The following RNPEPL1 variants were observed in gnomAD, a reference collection of about 807,000 sequenced individuals.
RNPEPL1 encodes the protein arginyl aminopeptidase like 1, also known as aminopeptidase RNPEPL1.
A neutral mutation model predicts 69.0 loss-of-function variants in RNPEPL1; 46 were observed. The observed-to-expected ratio is 0.67, with a 90% CI of 0.53 to 0.85. RNPEPL1 has a LOEUF of 0.85. Among genes scored for constraint, RNPEPL1 ranks in the 40% least tolerant of loss-of-function variants. RNPEPL1 has a pLI of 0.00. For synonymous variants in RNPEPL1, 525 were observed against 454.1 expected (o/e 1.16, Z -1.98); for missense variants, 869 against 992.5 (o/e 0.88, Z 1.67).
chr2:240,568,933 C>G lies in RNPEPL1; in HGVS notation c.347C>G (p.Pro116Arg). Residue 116 changes from proline (P) to arginine (R), a missense_variant, in exon 1 of 11, where the codon CCG becomes CGG. Physicochemically the swap from Pro to Arg is moderately radical, Grantham distance 103. Transcript: ENST00000270357. This position sits in a 1 kb window ranked among gnomAD's most constrained non-coding sequence, Gnocchi z 6.2. The stretch of plus-strand genomic sequence containing the variant: ...GCCCCCGGGCCGGGGCCCGCGCCGC[C>G]GCCCCCGCTGCCCGCCTTCCCCGAG... ...FSAPGPGPAP[P>R]PPLPAFPEAP... The G allele has an allele frequency of 7.5e-7, 1 of 1,340,834 alleles. No individual in the cohort carries two copies. Among genetic ancestry groups the G allele is most frequent in the Non-Finnish European group, 9.5e-7 (1 of 1,050,006 alleles). The allele number at this position is 1,340,834 out of a possible 1,614,324, so 83.1% of individuals were successfully genotyped here. A position where few individuals can be genotyped will look rare whatever the true frequency, so the allele number is the denominator to read the frequency against.
chr2:240,575,168 C>T lies in RNPEPL1; in HGVS notation c.1401+26C>T, dbSNP rs148867325. 1.8e-3 allele frequency: 2,782 copies of T among 1,577,832 alleles called. 34 individuals are homozygous for T. The African/African-American group carries it at 0.03, about 17-fold the overall frequency. On this transcript the variant is annotated intron_variant, in intron 7 of 10. Transcript: ENST00000270357. ...GTGAGCAGCCCCCTGCCCGGGACGG[C>T]CCTGCTGCCATCTGCCCCCAGCCCC... is the stretch of plus-strand genomic sequence containing the variant.
rs2093042791 is a variant in RNPEPL1, at chr2:240,578,005, A to G, written c.*113A>G. 1.8e-6 allele frequency: 2 copies of G among 1,115,534 alleles called. No homozygotes were observed. Among genetic ancestry groups the G allele is most frequent in the Non-Finnish European group, 2.4e-6 (2 of 826,352 alleles). 69.1% of individuals were successfully genotyped at this position (1,115,534 alleles called of 1,614,324 possible). A position where few individuals can be genotyped will look rare whatever the true frequency, so the allele number is the denominator to read the frequency against. Reference sequence around the variant, plus strand: ...GGCCATGAGCTCTGCCCAGGCCCACAAGCCCCTCCCCTGGGCTCTCCCAGG... The same window carrying G: ...GGCCATGAGCTCTGCCCAGGCCCACGAGCCCCTCCCCTGGGCTCTCCCAGG... On this transcript the variant is annotated 3_prime_UTR_variant, in exon 11 of 11. Transcript: ENST00000270357.
At chr2:240,573,387 C>A in intron 3 of RNPEPL1, 126 bp downstream of exon 3, 1 of 1,203,434 alleles carries the variant, frequency 8.3e-7, no homozygotes, top group Admixed American at 2.9e-5. Context: ...TGCTCTGGGC[C>A]AGCCCTGCCC....
intron 4 of RNPEPL1, 59 bp downstream of exon 4, chr2:240,573,950 C>A: frequency 6.8e-7 from 1 of 1,480,472 alleles, no homozygotes; most frequent in Non-Finnish European, 9.2e-7. Context: ...AGGGGGAGCC[C>A]CTCGTCTGAC....
chr2:240,577,003 G>A lies in RNPEPL1; in HGVS notation c.1884+13G>A. ...CCTGGAGAGCCAGGTGCGGTCACCT[G>A]CCCAGGGGGCCAGCCTGGAACGGCC... On this transcript the variant is annotated intron_variant, in intron 10 of 10. Transcript: ENST00000270357. 6.2e-7 allele frequency: 1 copy of A among 1,612,340 alleles called. No homozygotes were observed.
intron 1 of RNPEPL1, among the ~76,000 whole-genome samples, chr2:240,571,584 A>T (rs2125448508): frequency 6.6e-6 from 1 of 152,026 alleles, no homozygotes; most frequent in South Asian, 2.1e-4. Flanking sequence ...GTGCAGCAGG[A>T]TAGTGGCAGG....
intron 1 of RNPEPL1, among the ~76,000 whole-genome samples, chr2:240,572,065 G>A (rs1375118068): frequency 1.3e-5 from 2 of 152,240 alleles, no homozygotes; most frequent in African/African-American, 2.4e-5. Context: ...TCCCTACTGT[G>A]CCTCAGTTTC....
chr2:240,572,557 C>A lies in RNPEPL1; in HGVS notation c.663C>A (p.Val221=), dbSNP rs117359246. ...CCGTGAAGTGCACCTACTCTGCCGTCGTCAAGGTCAGGGGCCGCCAGCTGC... is the reference window on the plus strand; with the variant it reads ...CCGTGAAGTGCACCTACTCTGCCGTAGTCAAGGTCAGGGGCCGCCAGCTGC... The part of the protein sequence containing the change: ...TPAVKCTYSA[V]VKAPSGVQVL... The change falls in exon 2 of 11, where the codon GTC becomes GTA. Residue 221 remains valine, a synonymous_variant. Coordinates refer to ENST00000270357, the MANE Select transcript of RNPEPL1 (RefSeq NM_018226.6). 1.3e-6 allele frequency: 2 copies of A among 1,536,144 alleles called. No individual in the cohort carries two copies. The highest frequency in any genetic ancestry group is 1.2e-5 in the South Asian group (1 of 84,050).
chr2:240,571,178 G>A (rs2093020394), intron 1 of RNPEPL1, among the ~76,000 whole-genome samples: 4 of 152,178 alleles, frequency 2.6e-5, no homozygotes, highest in Admixed American at 1.3e-4. Context: ...CAGCAGGAAT[G>A]GGAGACGCCT....
Position 240,568,508 on chromosome 2 carries a change from G to A in RNPEPL1, c.-79G>A, listed in dbSNP as rs2093010607. 3.5e-6 allele frequency: 2 copies of A among 571,428 alleles called. No homozygotes were observed. Among genetic ancestry groups the A allele is most frequent in the Non-Finnish European group, 4.4e-6 (2 of 455,376 alleles). 35.4% of individuals were successfully genotyped at this position (571,428 alleles called of 1,614,324 possible). ...CGACTTCCTGTTGTGCCCGCGCCCC[G>A]CCGCCGCCGCCGCCCGGCGCCCCTC... On this transcript the variant is annotated 5_prime_UTR_variant, in exon 1 of 11. Transcript: ENST00000270357. This position sits in a 1 kb window ranked among gnomAD's most constrained non-coding sequence, Gnocchi z 6.2.
Position 240,574,245 on chromosome 2 carries a change from CAGTT to C in RNPEPL1, c.1072_1075del (p.Ser358GlyfsTer16). On this transcript the variant is annotated frameshift_variant, in exon 5 of 11. Transcript: ENST00000270357. LOFTEE classifies it high-confidence loss of function. ...TCGATGTCATCCACGAGGTGGCCCA[CAGTT>C]GGTTCGGCAACGCTGTCACCAACGC... 1 of 1,613,168 alleles carries C rather than the reference CAGTT, an allele frequency of 6.2e-7. No individual in the cohort carries two copies. The highest frequency in any genetic ancestry group is 1.1e-5 in the South Asian group (1 of 91,082).
intron 1 of RNPEPL1, among the ~76,000 whole-genome samples, chr2:240,569,537 T>C (rs1157093104): frequency 1.3e-5 from 2 of 152,192 alleles, no homozygotes. Flanking sequence ...GGTTTGGGGC[T>C]TCCTTGGCCA....
At position 240,576,570 on chromosome 2, in the gene RNPEPL1, C is replaced by G. The variant is rs1402020245; in HGVS notation, c.1546C>G (p.Pro516Ala). 3 of 1,612,758 alleles carry G rather than the reference C, an allele frequency of 1.9e-6. No homozygotes were observed. In the Admixed American group the frequency reaches 5.0e-5, roughly 27 times the overall value. The change falls in exon 9 of 11, where the codon CCG (proline) becomes GCG (alanine). Residue 516 changes from proline to alanine, a missense_variant. Pro to Ala is a conservative substitution (Grantham distance 27). Coordinates refer to ENST00000270357, the MANE Select transcript of RNPEPL1 (RefSeq NM_018226.6). ...EFERWLNATG[P>A]PLAEPDLSQG... ...CGAGCGCTGGCTCAATGCCACAGGC[C>G]CGCCGCTGGCTGAGCCGGACCTGTC... is the stretch of plus-strand genomic sequence containing the variant.
At chr2:240,571,081 TCCCAGGTCCCAGCCCC>T (rs1406686259) in intron 1 of RNPEPL1, among the ~76,000 whole-genome samples, 2 of 151,878 alleles carry the variant, frequency 1.3e-5, no homozygotes, top group African/African-American at 4.8e-5. Flanking sequence ...TCATACAGAT[TCCCAGGTCCCAGCCCC>T]CCCCAAGGGG....
intron 6 of RNPEPL1, 37 bp downstream of exon 6, chr2:240,574,665 A>T: frequency 6.5e-7 from 1 of 1,531,344 alleles, no homozygotes; most frequent in Non-Finnish European, 9.0e-7. Flanking sequence ...ACAACTGGGG[A>T]TGTCACCCCT....
chr2:240,572,647 C>T, intron 2 of RNPEPL1, 84 bp downstream of exon 2: 1 of 1,487,540 alleles, frequency 6.7e-7, no homozygotes, highest in Admixed American at 2.0e-5. Flanking sequence ...CTCCTACCTG[C>T]CTGGGCTGTG....
intron 4 of RNPEPL1, 57 bp from the exon 5 acceptor site, chr2:240,574,056 T>G: frequency 6.6e-7 from 1 of 1,514,704 alleles, no homozygotes; most frequent in Non-Finnish European, 9.1e-7. Flanking sequence ...GGTGCGGGTG[T>G]GCAGGGTGGG....
chr2:240,580,834 G>C lies in RNPEPL1; in HGVS notation c.*2942G>C, dbSNP rs2093050602. ...TTCAAAAAGGGAAAAGAAGCGTGAT[G>C]AAAGACTGGTTTCTACAGAGATAGA... On this transcript the variant is annotated 3_prime_UTR_variant, in exon 11 of 11. Coordinates refer to ENST00000270357, the MANE Select transcript of RNPEPL1 (RefSeq NM_018226.6). 6.6e-6 allele frequency: 1 copy of C among 152,214 alleles called. No individual in the cohort carries two copies. The highest frequency in any genetic ancestry group is 2.4e-5 in the African/African-American group (1 of 41,452). The allele number at this position is 152,214 out of a possible 1,614,324, so 9.4% of individuals were successfully genotyped here. A position where few individuals can be genotyped will look rare whatever the true frequency, so the allele number is the denominator to read the frequency against.
rs371647969 is a variant in RNPEPL1 at position 240,576,575 on chromosome 2, G to C, written c.1551G>C (p.Pro517=). ...GCTGGCTCAATGCCACAGGCCCGCC[G>C]CTGGCTGAGCCGGACCTGTCTCAGG... is the stretch of plus-strand genomic sequence containing the variant. The part of the protein sequence containing the change: ...FERWLNATGP[P]LAEPDLSQGS... Residue 517 remains proline (P), a synonymous_variant, in exon 9 of 11, where the codon CCG becomes CCC. Coordinates refer to ENST00000270357, the MANE Select transcript of RNPEPL1 (RefSeq NM_018226.6). 2 of 1,612,898 alleles carry C rather than the reference G, an allele frequency of 1.2e-6. No individual in the cohort carries two copies. The highest frequency in any genetic ancestry group is 1.7e-6 in the Non-Finnish European group (2 of 1,179,956).
Sources: allele counts gnomAD v4.1 joint callset (sites outside exome capture counted in the v4.1 genomes callset), GRCh38; gene constraint gnomAD v4.1.1; non-coding constraint Gnocchi (gnomAD v3.1); transcripts MANE v1.5; gene names NCBI Gene and HGNC (gene_info 2026-07-23, HGNC 2026-07-21).